ROBO1: variants seen among roughly 807,000 people sequenced by gnomAD.
ROBO1 encodes roundabout homolog 1.
A neutral mutation model predicts 195.9 loss-of-function variants in ROBO1; 149 were observed. The observed-to-expected ratio is 0.76, with a 90% CI of 0.67 to 0.87. ROBO1 has a LOEUF of 0.87. ROBO1 is among the 40% of genes least tolerant of loss of function. The probability of loss-of-function intolerance (pLI) is 0.00; values close to 1 mark genes in which losing one functional copy is unlikely to be tolerated. For missense variants in ROBO1, 1,933 were observed against 2,068.3 expected (o/e 0.93, Z 1.27); for synonymous variants, 816 against 733.2 (o/e 1.11, Z -1.82).
At chr3:78,919,409 G>C (rs1179319828) in intron 4 of ROBO1, among the ~76,000 whole-genome samples, 1 of 152,158 alleles carries the variant, frequency 6.6e-6, no homozygotes, top group Non-Finnish European at 1.5e-5. Flanking sequence ...CAATTAAGTA[G>C]AATCAAAGTA....
intron 2 of ROBO1, among the ~76,000 whole-genome samples, chr3:79,456,044 G>T (rs2039609412): frequency 6.6e-6 from 1 of 152,036 alleles, no homozygotes; most frequent in Admixed American, 6.6e-5. Flanking sequence ...AGCTGCTTTT[G>T]GTGTTCATGC....
At chr3:79,240,397 TAA>T (rs1263026759) in intron 2 of ROBO1, among the ~76,000 whole-genome samples, 2 of 152,186 alleles carry the variant, frequency 1.3e-5, no homozygotes, top group African/African-American at 2.4e-5. Flanking sequence ...ACATATTTAA[TAA>T]ACACAAACAC....
At chr3:79,147,412 C>T (rs2080675716) in intron 2 of ROBO1, among the ~76,000 whole-genome samples, 1 of 151,876 alleles carries the variant, frequency 6.6e-6, no homozygotes, top group Non-Finnish European at 1.5e-5. Flanking sequence ...TGAATCATTT[C>T]AAGAGATCAA....
At chr3:78,888,798 A>G (rs1559966644) in intron 4 of ROBO1, among the ~76,000 whole-genome samples, 1 of 152,150 alleles carries the variant, frequency 6.6e-6, no homozygotes, top group Non-Finnish European at 1.5e-5. Context: ...AAAATACTAA[A>G]AACTGTGTAA....
At chr3:79,116,402 C>T (rs992256001) in intron 3 of ROBO1, among the ~76,000 whole-genome samples, 22 of 131,286 alleles carry the variant, frequency 1.7e-4, no homozygotes, top group African/African-American at 6.0e-4. Context: ...TCCTTCCTTG[C>T]TTCCTTCCTT....
intron 4 of ROBO1, among the ~76,000 whole-genome samples, chr3:78,913,672 T>C (rs899243832): frequency 6.6e-6 from 1 of 152,156 alleles, no homozygotes; most frequent in Non-Finnish European, 1.5e-5. Flanking sequence ...CGTGTATTAC[T>C]GAAACATTTT....
At chr3:79,415,490 C>T (rs1176576539) in intron 2 of ROBO1, among the ~76,000 whole-genome samples, 1 of 151,968 alleles carries the variant, frequency 6.6e-6, no homozygotes, top group African/African-American at 2.4e-5. Flanking sequence ...TGGGTGTAGT[C>T]AGACAGGAAG....
chr3:79,167,003 C>T (rs1427325591), intron 2 of ROBO1, among the ~76,000 whole-genome samples: 6 of 152,022 alleles, frequency 3.9e-5, no homozygotes, highest in East Asian at 1.9e-4. Context: ...CACATATCCA[C>T]GTGTCTCCAA....
At position 78,884,286 on chromosome 3, in the gene ROBO1, G is replaced by T. The variant is rs554213498; in HGVS notation, c.499+54315C>A. Among the ~76,000 whole-genome samples, 1,007 of 152,190 alleles carry T rather than the reference G, an allele frequency of 6.6e-3. 11 individuals carry two copies. Among genetic ancestry groups the T allele is most frequent in the Middle Eastern group, 0.034 (10 of 294 alleles). On this transcript the variant is annotated intron_variant, in intron 4 of 30. Transcript: ENST00000464233. ...AGTGGAAAATGGATTTCTGTGAGATGTTACTAAAAGCAAGAAAGCCAGTTA... is the reference window on the plus strand; with the variant it reads ...AGTGGAAAATGGATTTCTGTGAGATTTTACTAAAAGCAAGAAAGCCAGTTA...
intron 4 of ROBO1, among the ~76,000 whole-genome samples, chr3:78,811,126 T>C (rs2084724710): frequency 6.6e-6 from 1 of 152,202 alleles, no homozygotes; most frequent in Non-Finnish European, 1.5e-5. Context: ...CTTATTAGTA[T>C]CTTTCAAGAT....
At chr3:78,936,680 T>C (rs940252791) in intron 4 of ROBO1, among the ~76,000 whole-genome samples, 3 of 151,032 alleles carry the variant, frequency 2.0e-5, no homozygotes, top group African/African-American at 4.9e-5. Context: ...AGGGTGTGCA[T>C]AGGTTATGTG....
At chr3:78,906,158 A>G (rs1224146764) in intron 4 of ROBO1, among the ~76,000 whole-genome samples, 2 of 152,150 alleles carry the variant, frequency 1.3e-5, no homozygotes, top group Non-Finnish European at 2.9e-5. Flanking sequence ...TCTAACATTT[A>G]TTATGAACAG....
chr3:79,014,455 A>T (rs2108231925), intron 3 of ROBO1, among the ~76,000 whole-genome samples: 1 of 152,308 alleles, frequency 6.6e-6, no homozygotes, highest in East Asian at 1.9e-4. Flanking sequence ...CCTGGGCGAC[A>T]GGGTGAGACT....
At chr3:79,511,851 A>T (rs906399641) in intron 2 of ROBO1, among the ~76,000 whole-genome samples, 7 of 152,172 alleles carry the variant, frequency 4.6e-5, no homozygotes, top group South Asian at 2.1e-4. Flanking sequence ...GTTCACACTT[A>T]GAAATGGGAG....
intron 2 of ROBO1, among the ~76,000 whole-genome samples, chr3:79,468,674 T>C (rs185678006): frequency 1.2e-4 from 18 of 152,196 alleles, no homozygotes; most frequent in African/African-American, 4.3e-4. Context: ...ATATACTGTA[T>C]GAAGCAATCA....
intron 2 of ROBO1, among the ~76,000 whole-genome samples, chr3:79,456,395 A>C (rs1298447787): frequency 6.6e-6 from 1 of 152,180 alleles, no homozygotes; most frequent in Non-Finnish European, 1.5e-5. Context: ...ATTTTACTCA[A>C]ATACAAAGTG....
chr3:79,201,132 C>T (rs1576806977), intron 2 of ROBO1, among the ~76,000 whole-genome samples: 1 of 151,964 alleles, frequency 6.6e-6, no homozygotes, highest in Admixed American at 6.6e-5. Context: ...ACATTATCAT[C>T]ATAGGCCTGG....
chr3:78,599,818 T>G (rs1703061941), intron 30 of ROBO1, among the ~76,000 whole-genome samples: 1 of 152,244 alleles, frequency 6.6e-6, no homozygotes, highest in Non-Finnish European at 1.5e-5. Context: ...TAGCTCTAGA[T>G]CAACAGCTCT....
chr3:78,941,663 A>C (rs900972727), intron 3 of ROBO1, among the ~76,000 whole-genome samples: 9 of 152,160 alleles, frequency 5.9e-5, no homozygotes, highest in Non-Finnish European at 1.3e-4. Context: ...TGAGTCAGAA[A>C]CGGAAGACAG....
Sources: allele counts gnomAD v4.1 joint callset (sites outside exome capture counted in the v4.1 genomes callset), GRCh38; gene constraint gnomAD v4.1.1; transcripts MANE v1.5; gene names NCBI Gene and HGNC (gene_info 2026-07-23, HGNC 2026-07-21).